The following HDAC4 variants were observed in gnomAD, a reference collection of about 807,000 sequenced individuals.
HDAC4 encodes the protein histone deacetylase 4.
HDAC4 carries 16 observed loss-of-function variants against 135.1 expected under a neutral mutation model. The ratio of observed to expected loss-of-function variants is 0.12; its 90% CI spans 0.08 to 0.18. The LOEUF is 0.18. Among genes scored for constraint, HDAC4 ranks in the 10% least tolerant of loss-of-function variants. HDAC4 has a pLI of 1.00. For synonymous variants in HDAC4, 685 were observed against 653.4 expected (o/e 1.05, Z -0.74); for missense variants, 1,143 against 1,511.8 (o/e 0.76, Z 4.05).
In HDAC4 at chr2:239,146,712, C is replaced by A. The variant is rs2041788273; in HGVS notation, c.734-1998G>T. On this transcript the variant is annotated intron_variant, in intron 7 of 26. Coordinates refer to ENST00000543185, the MANE Select transcript of HDAC4 (RefSeq NM_001378414.1). The surrounding 1 kb of genome is among the most constrained non-coding windows in gnomAD (Gnocchi z 4.5). Reference sequence around the variant, plus strand: ...CCCCACCCCTTCCCTCCACTCCCCTCCCCTTCCCTCCTCTCCCCTTCCACA... The same window carrying A: ...CCCCACCCCTTCCCTCCACTCCCCTACCCTTCCCTCCTCTCCCCTTCCACA... Among the ~76,000 whole-genome samples the A allele has an allele frequency of 6.6e-6, 1 of 150,534 alleles. No homozygotes were observed. The highest frequency in any genetic ancestry group is 2.1e-4 in the South Asian group (1 of 4,708).
chr2:239,205,733 A>G (rs1474394303), intron 3 of HDAC4, among the ~76,000 whole-genome samples: 1 of 152,118 alleles, frequency 6.6e-6, no homozygotes, highest in Non-Finnish European at 1.5e-5. Context: ...GGAGAAGAAC[A>G]AAGAAGGAAG....
chr2:239,101,589 A>T (rs2152761111), intron 16 of HDAC4, among the ~76,000 whole-genome samples: 1 of 152,264 alleles, frequency 6.6e-6, no homozygotes, highest in East Asian at 1.9e-4. Context: ...GGTCCTGCTC[A>T]GGGAAGAGCC....
chr2:239,247,935 T>A (rs2048560606), intron 2 of HDAC4, among the ~76,000 whole-genome samples: 1 of 152,084 alleles, frequency 6.6e-6, no homozygotes, highest in Non-Finnish European at 1.5e-5. Context: ...AGAAAAAGGA[T>A]CCTTTGATGC....
In HDAC4 at chr2:239,139,055, C is replaced by G. The variant is rs979077999; in HGVS notation, c.978+629G>C. ...CCCAGACTGTGGCACCACTTGGGGT[C>G]TGATGAAGGCAGGGGACCAGGGGTG... On this transcript the variant is annotated intron_variant, in intron 9 of 26. Transcript: ENST00000543185. This position sits in a 1 kb window ranked among gnomAD's most constrained non-coding sequence, Gnocchi z 5.3. Among the ~76,000 whole-genome samples, 3 of 152,160 alleles carry G rather than the reference C, an allele frequency of 2.0e-5. No individual in the cohort carries two copies. Among genetic ancestry groups the G allele is most frequent in the South Asian group, 4.1e-4 (2 of 4,822 alleles).
chr2:239,267,098 G>A (rs964047489), intron 2 of HDAC4, among the ~76,000 whole-genome samples: 5 of 151,898 alleles, frequency 3.3e-5, no homozygotes, highest in African/African-American at 1.2e-4. Flanking sequence ...TGCATGGGGG[G>A]TGCCGCTTGA....
At chr2:239,092,960 A>C (rs1488701867) in intron 17 of HDAC4, among the ~76,000 whole-genome samples, 1 of 152,048 alleles carries the variant, frequency 6.6e-6, no homozygotes, top group Non-Finnish European at 1.5e-5. Flanking sequence ...AACATGGAGA[A>C]AGCTTCCCAC....
intron 6 of HDAC4, among the ~76,000 whole-genome samples, chr2:239,162,799 G>A (rs1267161469): frequency 2.0e-5 from 3 of 152,188 alleles, no homozygotes; most frequent in African/African-American, 7.2e-5. Flanking sequence ...TTTGGGATGT[G>A]TCGGGGTAGC....
intron 18 of HDAC4, 102 bp downstream of exon 18, chr2:239,089,907 T>G (rs1375517309): frequency 2.3e-6 from 2 of 877,182 alleles, no homozygotes; most frequent in Non-Finnish European, 3.9e-6. Context: ...CACAGCCGCC[T>G]CCCAGCCTGA....
intron 1 of HDAC4, among the ~76,000 whole-genome samples, chr2:239,378,704 A>G (rs545927032): frequency 3.3e-5 from 5 of 151,270 alleles, no homozygotes; most frequent in African/African-American, 1.2e-4. Context: ...GGGAACCAAT[A>G]ACCCCGGGAA....
At chr2:239,163,975 CAGCA>C in intron 5 of HDAC4, 52 bp from the exon 6 acceptor site, 1 of 1,610,438 alleles carries the variant, frequency 6.2e-7, no homozygotes, top group African/African-American at 1.3e-5. Flanking sequence ...TGCCCTACAG[CAGCA>C]ATGCAGGGCA....
At chr2:239,379,073 G>A (rs1695230717) in intron 1 of HDAC4, among the ~76,000 whole-genome samples, 1 of 152,204 alleles carries the variant, frequency 6.6e-6, no homozygotes, top group Admixed American at 6.5e-5. Context: ...GAGACACAAA[G>A]GGAAGAAACG....
intron 2 of HDAC4, among the ~76,000 whole-genome samples, chr2:239,255,940 C>T (rs919892572): frequency 6.6e-5 from 10 of 152,200 alleles, no homozygotes; most frequent in African/African-American, 2.4e-4. Flanking sequence ...ATTGCTTATC[C>T]TTTCTACACT....
chr2:239,192,533 C>T lies in HDAC4; in HGVS notation c.95-2456G>A, dbSNP rs145158287. Among the ~76,000 whole-genome samples the T allele has an allele frequency of 1.3e-3, 197 of 152,270 alleles. 1 individual carries two copies. The highest frequency in any genetic ancestry group is 4.5e-3 in the African/African-American group (186 of 41,562). On this transcript the variant is annotated intron_variant, in intron 3 of 26. Coordinates refer to ENST00000543185, the MANE Select transcript of HDAC4 (RefSeq NM_001378414.1). ...ACTCGCAAACTCGGAGAAAAGAGAA[C>T]GGGGCCTGGCTTCTTGAAGAAGACT...
intron 1 of HDAC4, among the ~76,000 whole-genome samples, chr2:239,354,509 A>G (rs1469633349): frequency 6.7e-6 from 1 of 148,384 alleles, no homozygotes; most frequent in Non-Finnish European, 1.5e-5. Flanking sequence ...TTCTGTGTTC[A>G]TCTTTCTTTA....
chr2:239,266,180 G>T (rs77771484), intron 2 of HDAC4, among the ~76,000 whole-genome samples: 1 of 152,140 alleles, frequency 6.6e-6, no homozygotes, highest in Non-Finnish European at 1.5e-5. Context: ...ATAGCCCCTC[G>T]CCGGCATCCC....
chr2:239,126,951 T>C (rs1481270358), intron 11 of HDAC4, among the ~76,000 whole-genome samples: 1 of 152,186 alleles, frequency 6.6e-6, no homozygotes, highest in African/African-American at 2.4e-5. Flanking sequence ...ACAGGAAACG[T>C]CAGGAGTCCT....
At chr2:239,263,871 T>C (rs775245395) in intron 2 of HDAC4, among the ~76,000 whole-genome samples, 7 of 152,096 alleles carry the variant, frequency 4.6e-5, no homozygotes, top group Non-Finnish European at 7.4e-5. Context: ...GGCTGCCCAG[T>C]GACGCCACTC....
intron 24 of HDAC4, among the ~76,000 whole-genome samples, chr2:239,057,877 G>A (rs1318094813): frequency 1.3e-5 from 2 of 152,162 alleles, no homozygotes; most frequent in Non-Finnish European, 2.9e-5. Flanking sequence ...GGATGAACAG[G>A]GATGACATAG....
At chr2:239,161,839 C>T in intron 6 of HDAC4, 1 of 384,020 alleles carries the variant, frequency 2.6e-6, no homozygotes, top group Non-Finnish European at 5.1e-6. Flanking sequence ...CTGGAAGCCC[C>T]CCATCTCCCG....
Sources: gnomAD v4.1 joint callset for allele counts (sites outside exome capture counted in the v4.1 genomes callset) on GRCh38, gnomAD v4.1.1 for gene constraint, Gnocchi (gnomAD v3.1) non-coding constraint, MANE v1.5 for transcripts, NCBI Gene and HGNC (gene_info 2026-07-23, HGNC 2026-07-21) for gene names.